SYNDIG1: variants seen among roughly 807,000 people sequenced by gnomAD.
SYNDIG1 encodes synapse differentiation-inducing gene protein 1.
In SYNDIG1, 9 loss-of-function variants were observed where a neutral mutation model predicts 19.4. The observed-to-expected ratio is 0.46, with a 90% CI of 0.28 to 0.81. The LOEUF (loss-of-function observed/expected upper bound fraction) is 0.81, where lower values mean the gene tolerates loss of function less well. SYNDIG1 is among the 30% of genes least tolerant of loss of function. The probability of loss-of-function intolerance (pLI) is 0.12; values close to 1 mark genes in which losing one functional copy is unlikely to be tolerated. For missense variants in SYNDIG1, 311 were observed against 343.3 expected, an observed-to-expected ratio of 0.91 and a Z score of 0.74; for synonymous variants, 141 against 145.9, an observed-to-expected ratio of 0.97 and a Z score of 0.24.
At chr20:24,597,121 C>A (rs4087431) in intron 3 of SYNDIG1, 55,727 of 152,436 alleles carry the variant, frequency 0.37, 10,470 homozygotes, top group Admixed American at 0.45. Flanking sequence ...TCCTTCCTTC[C>A]CCTCGTGTCC....
At chr20:24,587,659 T>C (rs1289385656) in intron 3 of SYNDIG1, among the ~76,000 whole-genome samples, 1 of 152,058 alleles carries the variant, frequency 6.6e-6, no homozygotes, top group African/African-American at 2.4e-5. Context: ...CAGCTGGGAG[T>C]GCGAAGCCCA....
intron 2 of SYNDIG1, among the ~76,000 whole-genome samples, chr20:24,579,887 T>C (rs1259793661): frequency 6.6e-6 from 1 of 152,348 alleles, no homozygotes; most frequent in East Asian, 1.9e-4. Context: ...CATTGTGATG[T>C]GCAAACATTT....
chr20:24,644,892 G>A (rs1417348786), intron 3 of SYNDIG1, among the ~76,000 whole-genome samples: 1 of 152,168 alleles, frequency 6.6e-6, no homozygotes, highest in African/African-American at 2.4e-5. Context: ...GAAGACTGGT[G>A]TATATTAACA....
chr20:24,482,492 G>T (rs2055827350), intron 1 of SYNDIG1, among the ~76,000 whole-genome samples: 1 of 152,238 alleles, frequency 6.6e-6, no homozygotes, highest in African/African-American at 2.4e-5. Context: ...CAGCCTTTGG[G>T]ATCACTGGGG....
At chr20:24,557,355 C>A (rs1009344529) in intron 2 of SYNDIG1, among the ~76,000 whole-genome samples, 2 of 152,208 alleles carry the variant, frequency 1.3e-5, no homozygotes, top group African/African-American at 4.8e-5. Flanking sequence ...TGAGGAACTG[C>A]GTTCCTTTGG....
chr20:24,579,119 G>C (rs1281642065), intron 2 of SYNDIG1, among the ~76,000 whole-genome samples: 1 of 152,178 alleles, frequency 6.6e-6, no homozygotes, highest in Non-Finnish European at 1.5e-5. Flanking sequence ...TAGGAAAAGG[G>C]GTTCGTGTTC....
At chr20:24,636,962 A>G (rs988048595) in intron 3 of SYNDIG1, among the ~76,000 whole-genome samples, 1 of 152,250 alleles carries the variant, frequency 6.6e-6, no homozygotes, top group Admixed American at 6.5e-5. Context: ...ACAAGTTGCA[A>G]TTGAGGCCTT....
At chr20:24,471,881 C>T (rs925801673) in intron 1 of SYNDIG1, among the ~76,000 whole-genome samples, 2 of 152,096 alleles carry the variant, frequency 1.3e-5, no homozygotes, top group African/African-American at 4.8e-5. Context: ...ATTGTATACG[C>T]ATATCACAGC....
chr20:24,561,857 A>G (rs182601815), intron 2 of SYNDIG1, among the ~76,000 whole-genome samples: 1 of 152,364 alleles, frequency 6.6e-6, no homozygotes, highest in East Asian at 1.9e-4. Flanking sequence ...GAGAATGTTA[A>G]TCAAATTAAT....
intron 1 of SYNDIG1, among the ~76,000 whole-genome samples, chr20:24,487,068 A>G: frequency 7.0e-6 from 1 of 143,442 alleles, no homozygotes. Context: ...GGGTCGGTGG[A>G]TGTGGGGTGG....
intron 2 of SYNDIG1, among the ~76,000 whole-genome samples, chr20:24,550,869 G>A (rs981823100): frequency 1.3e-5 from 2 of 152,162 alleles, no homozygotes; most frequent in African/African-American, 2.4e-5. Flanking sequence ...ATCCCACTTT[G>A]TCGTGGTTTA....
chr20:24,503,978 G>C (rs1292833892), intron 1 of SYNDIG1, among the ~76,000 whole-genome samples: 1 of 30,320 alleles, frequency 3.3e-5, no homozygotes, highest in East Asian at 9.2e-4. Flanking sequence ...TTTTTTTTTT[G>C]AGACGGAGTC....
intron 1 of SYNDIG1, among the ~76,000 whole-genome samples, chr20:24,501,580 C>T (rs2056455190): frequency 6.6e-6 from 1 of 152,192 alleles, no homozygotes; most frequent in Non-Finnish European, 1.5e-5. Flanking sequence ...CAGATTCCAG[C>T]CTTGCCACTT....
At chr20:24,574,727 A>T (rs1366815251) in intron 2 of SYNDIG1, among the ~76,000 whole-genome samples, 2 of 152,204 alleles carry the variant, frequency 1.3e-5, no homozygotes, top group Non-Finnish European at 2.9e-5. Flanking sequence ...TAATATAATG[A>T]TATGTCTTAT....
intron 1 of SYNDIG1, among the ~76,000 whole-genome samples, 171 bp downstream of exon 1, chr20:24,469,924 C>G (rs1169407002): frequency 2.6e-5 from 4 of 151,840 alleles, no homozygotes; most frequent in Non-Finnish European, 5.9e-5. Flanking sequence ...GTGGCGCCCG[C>G]GGTAAGTCCG....
chr20:24,503,508 T>C (rs1232834717), intron 1 of SYNDIG1, among the ~76,000 whole-genome samples: 1 of 152,064 alleles, frequency 6.6e-6, no homozygotes, highest in Non-Finnish European at 1.5e-5. Context: ...CAGGAGAAGC[T>C]CGTCTACTTT....
chr20:24,588,641 G>A (rs115546440), intron 3 of SYNDIG1, among the ~76,000 whole-genome samples: 2,008 of 152,254 alleles, frequency 0.013, 50 homozygotes, highest in African/African-American at 0.046. Context: ...CTGCAGTCTC[G>A]GCTGGGAATC....
chr20:24,486,692 C>T (rs1309068471), intron 1 of SYNDIG1, among the ~76,000 whole-genome samples: 1 of 151,382 alleles, frequency 6.6e-6, no homozygotes, highest in East Asian at 1.9e-4. Flanking sequence ...TGGAGTCTCG[C>T]TCTGTCACCA....
chr20:24,507,569 G>A (rs1049838668), intron 1 of SYNDIG1, among the ~76,000 whole-genome samples: 8 of 152,222 alleles, frequency 5.3e-5, no homozygotes, highest in East Asian at 1.9e-4. Flanking sequence ...GCCTGGAGCC[G>A]TGAATGTGGC....
Sources: allele counts gnomAD v4.1 joint callset (sites outside exome capture counted in the v4.1 genomes callset), GRCh38; gene constraint gnomAD v4.1.1; transcripts MANE v1.5; gene names NCBI Gene and HGNC (gene_info 2026-07-23, HGNC 2026-07-21).